TENT4A: variants seen among roughly 807,000 people sequenced by gnomAD.
The protein encoded by TENT4A is DNA polymerase kappa.
Under a neutral mutation model 72.8 loss-of-function variants are expected in TENT4A, and 7 were observed. The ratio of observed to expected loss-of-function variants is 0.10; its 90% CI spans 0.05 to 0.18. TENT4A has a LOEUF of 0.18. Ranked by LOEUF, TENT4A falls within the 10% of genes least tolerant of loss-of-function variation. TENT4A has a pLI of 1.00. For synonymous variants in TENT4A, 456 were observed against 434.3 expected (o/e 1.05, Z -0.62); for missense variants, 831 against 1,017.7 (o/e 0.82, Z 2.50).
intron 7 of TENT4A, among the ~76,000 whole-genome samples, chr5:6,746,923 G>T (rs905006771): frequency 6.6e-6 from 1 of 152,294 alleles, no homozygotes; most frequent in East Asian, 1.9e-4. Context: ...GTTGTGTTTT[G>T]TCGTGAGGAT....
rs1478893736 is a variant in TENT4A, at chr5:6,756,695, TG to T, written c.*1751del. ...TAAAATATTTAAATTGTGAACCTAT[TG>T]ATAAAGAATATTTATAAAAACTGAT... On this transcript the variant is annotated 3_prime_UTR_variant, in exon 13 of 13. Transcript: ENST00000230859. The T allele has an allele frequency of 6.6e-6, 1 of 152,636 alleles. No homozygotes were observed. 9.5% of individuals were successfully genotyped at this position (152,636 alleles called of 1,614,324 possible).
In TENT4A at chr5:6,751,125, C is replaced by T. The variant is rs28381419; in HGVS notation, c.1947C>T (p.Thr649=). 2.5e-5 allele frequency: 41 copies of T among 1,614,220 alleles called. No individual in the cohort carries two copies. In the East Asian group the frequency reaches 6.9e-4, roughly 27 times the overall value. ...CTCCTCTCATGGCCGGCTTACCCAC[C>T]GCCTTGCCAATGCCCAGTGGCAAAC... The part of the protein sequence containing the change: ...APAPLMAGLP[T]ALPMPSGKPQ... Residue 649 remains threonine (T), a synonymous_variant, in exon 11 of 13, where the codon ACC becomes ACT. Coordinates refer to ENST00000230859, the MANE Select transcript of TENT4A (RefSeq NM_006999.6).
chr5:6,713,915 C>T lies in TENT4A; in HGVS notation c.-69C>T. The T allele has an allele frequency of 2.1e-5, 14 of 655,944 alleles. No individual in the cohort carries two copies. Among genetic ancestry groups the T allele is most frequent in the Non-Finnish European group, 2.6e-5 (14 of 532,440 alleles). The allele number at this position is 655,944 out of a possible 1,614,324, so 40.6% of individuals were successfully genotyped here. A position where few individuals can be genotyped will look rare whatever the true frequency, so the allele number is the denominator to read the frequency against. On this transcript the variant is annotated 5_prime_UTR_variant, in exon 1 of 13. Transcript: ENST00000230859. Reference sequence around the variant, plus strand: ...CGTCCGTGCGCGCGCGGCCGGGCCTCGGGGCGCGGCGGGGGCGGGGCCGCG... The same window carrying T: ...CGTCCGTGCGCGCGCGGCCGGGCCTTGGGGCGCGGCGGGGGCGGGGCCGCG...
chr5:6,716,642 AC>A (rs1740403500), intron 1 of TENT4A, among the ~76,000 whole-genome samples: 1 of 151,766 alleles, frequency 6.6e-6, no homozygotes, highest in Admixed American at 6.6e-5. Flanking sequence ...CCAATCCCCC[AC>A]ATTAAAGACT....
chr5:6,742,561 C>T lies in TENT4A; in HGVS notation c.1080C>T (p.Gly360=), dbSNP rs754886567. Residue 360 remains glycine, a synonymous_variant, in exon 5 of 13, where the codon GGC becomes GGT. Coordinates refer to ENST00000230859, the MANE Select transcript of TENT4A (RefSeq NM_006999.6). Reference sequence around the variant, plus strand: ...ACATCAGCTTTAACATGGAGACGGGCGTCCGGGCAGCGGAGTTCATCAAGA... The same window carrying T: ...ACATCAGCTTTAACATGGAGACGGGTGTCCGGGCAGCGGAGTTCATCAAGA... The part of the protein sequence containing the change: ...KVDISFNMET[G]VRAAEFIKNY... The T allele has an allele frequency of 1.6e-5, 26 of 1,612,796 alleles. No homozygotes were observed. Among genetic ancestry groups the T allele is most frequent in the Middle Eastern group, 1.6e-4 (1 of 6,082 alleles).
chr5:6,731,024 G>T (rs1233343303), intron 1 of TENT4A, among the ~76,000 whole-genome samples: 1 of 152,176 alleles, frequency 6.6e-6, no homozygotes, highest in East Asian at 1.9e-4. Context: ...CCCTATCAGT[G>T]CGATGTAGTA....
In TENT4A at chr5:6,713,631, C is replaced by T. The variant is rs1298225221; in HGVS notation, c.-353C>T. On this transcript the variant is annotated 5_prime_UTR_variant, in exon 1 of 13. Transcript: ENST00000230859. ...CCGCCCTTCTCCGATGGCCTCTCCC[C>T]GCGGCCCGAGTGGAACGCCGCCGCC... 2.7e-5 allele frequency: 4 copies of T among 146,716 alleles called. No homozygotes were observed. Among genetic ancestry groups the T allele is most frequent in the African/African-American group, 9.8e-5 (4 of 40,624 alleles). 9.1% of individuals were successfully genotyped at this position (146,716 alleles called of 1,614,324 possible). A position where few individuals can be genotyped will look rare whatever the true frequency, so the allele number is the denominator to read the frequency against.
intron 1 of TENT4A, among the ~76,000 whole-genome samples, chr5:6,734,035 C>T (rs903344488): frequency 2.6e-5 from 4 of 152,234 alleles, no homozygotes; most frequent in Non-Finnish European, 5.9e-5. Flanking sequence ...TGTACATCAG[C>T]AATGACAAGG....
At chr5:6,753,164 A>C in intron 12 of TENT4A, 127 bp downstream of exon 12, 3 of 924,412 alleles carry the variant, frequency 3.2e-6, no homozygotes, top group Non-Finnish European at 4.8e-6. Context: ...CTTTGTTGTC[A>C]TTCAGCCTGT....
chr5:6,741,376 T>G (rs1373891588), intron 4 of TENT4A, among the ~76,000 whole-genome samples: 1 of 152,106 alleles, frequency 6.6e-6, no homozygotes. Context: ...ACTCCTCACC[T>G]CCAGGATTTG....
At chr5:6,738,542 T>C (rs958598291) in intron 2 of TENT4A, 141 bp from the exon 3 acceptor site, 13 of 703,778 alleles carry the variant, frequency 1.8e-5, no homozygotes, top group South Asian at 1.5e-4. Flanking sequence ...TTGATTGTTA[T>C]ACGGTCCCCT....
chr5:6,738,677 T>C lies in TENT4A; in HGVS notation c.841-6T>C. 6.2e-7 allele frequency: 1 copy of C among 1,611,032 alleles called. No homozygotes were observed. Among genetic ancestry groups the C allele is most frequent in the Non-Finnish European group, 8.5e-7 (1 of 1,177,108 alleles). ...TACATTTTAAGGCAACCACTCTTTC[T>C]TTCAGGTACAGATATTTGGCAGCTT... On this transcript the variant is annotated splice_region_variant and splice_polypyrimidine_tract_variant and intron_variant, in intron 2 of 12. Coordinates refer to ENST00000230859, the MANE Select transcript of TENT4A (RefSeq NM_006999.6).
At position 6,714,638 on chromosome 5, in the gene TENT4A, G is replaced by A. The variant is rs1386967371; in HGVS notation, c.655G>A (p.Ala219Thr). The part of the protein sequence containing the change: ...AALSGGGGPG[A>T]QAPRPGTPWK... ...TCTCAGCGGAGGGGGCGGCCCCGGG[G>A]CCCAGGCGCCGCGGCCCGGCACCCC... Residue 219 changes from alanine (A) to threonine (T), a missense_variant, in exon 1 of 13, where the codon GCC becomes ACC. Physicochemically the swap from Ala to Thr is moderately conservative, Grantham distance 58. Coordinates refer to ENST00000230859, the MANE Select transcript of TENT4A (RefSeq NM_006999.6). The A allele has an allele frequency of 1.7e-6, 2 of 1,199,022 alleles. No homozygotes were observed. The highest frequency in any genetic ancestry group is 2.1e-6 in the Non-Finnish European group (2 of 966,896). The allele number at this position is 1,199,022 out of a possible 1,614,324, so 74.3% of individuals were successfully genotyped here. A position where few individuals can be genotyped will look rare whatever the true frequency, so the allele number is the denominator to read the frequency against.
intron 1 of TENT4A, among the ~76,000 whole-genome samples, chr5:6,731,124 C>A (rs909952856): frequency 6.6e-6 from 1 of 152,166 alleles, no homozygotes; most frequent in African/African-American, 2.4e-5. Flanking sequence ...AATATTTTCA[C>A]TAAGGTATTG....
chr5:6,750,815 C>G, intron 10 of TENT4A: 1 of 538,582 alleles, frequency 1.9e-6, no homozygotes, highest in East Asian at 3.0e-5. Context: ...AAAATTAAAT[C>G]CAAGTATCTC....
chr5:6,721,220 G>C (rs1189868184), intron 1 of TENT4A, among the ~76,000 whole-genome samples: 1 of 152,166 alleles, frequency 6.6e-6, no homozygotes, highest in African/African-American at 2.4e-5. Context: ...GCAGGAGGAG[G>C]ATCTGCCAAC....
intron 1 of TENT4A, among the ~76,000 whole-genome samples, chr5:6,720,710 A>G (rs1223771112): frequency 2.0e-5 from 3 of 151,466 alleles, no homozygotes; most frequent in Admixed American, 1.3e-4. Flanking sequence ...AAATAAATAA[A>G]TAAATAAATA....
chr5:6,749,480 G>A (rs1213225745), intron 8 of TENT4A, 77 bp from the exon 9 acceptor site: 1 of 849,566 alleles, frequency 1.2e-6, no homozygotes, highest in Non-Finnish European at 2.0e-6. Flanking sequence ...AGGGGTATAA[G>A]GTAGCTGTTC....
chr5:6,721,642 G>T (rs1043270829), intron 1 of TENT4A, among the ~76,000 whole-genome samples: 1 of 152,226 alleles, frequency 6.6e-6, no homozygotes. Context: ...GAGCCAGGGG[G>T]TGGGCCACAT....
Sources: gnomAD v4.1 joint callset for allele counts (sites outside exome capture counted in the v4.1 genomes callset) on GRCh38, gnomAD v4.1.1 for gene constraint, MANE v1.5 for transcripts, NCBI Gene and HGNC (gene_info 2026-07-23, HGNC 2026-07-21) for gene names.